ANKFN1: variants seen among roughly 807,000 people sequenced by gnomAD.
ANKFN1 encodes ankyrin repeat and fibronectin type-III domain-containing protein 1.
A neutral mutation model predicts 108.7 loss-of-function variants in ANKFN1; 74 were observed. The observed-to-expected ratio is 0.68, with a 90% CI of 0.56 to 0.83. ANKFN1 has a LOEUF of 0.83. Ranked by LOEUF, ANKFN1 falls within the 40% of genes least tolerant of loss-of-function variation. The pLI, the probability that ANKFN1 is intolerant of heterozygous loss-of-function variation, is 0.00. For missense variants in ANKFN1, 1,505 were observed against 1,382.3 expected (o/e 1.09, Z -1.41); for synonymous variants, 547 against 516.2 (o/e 1.06, Z -0.81).
At chr17:56,241,782 G>A (rs899772795) in intron 3 of ANKFN1, among the ~76,000 whole-genome samples, 3 of 152,054 alleles carry the variant, frequency 2.0e-5, no homozygotes, top group African/African-American at 7.2e-5. Context: ...CTAGTCTTCT[G>A]CTTTGGGGCC....
intron 4 of ANKFN1, among the ~76,000 whole-genome samples, chr17:56,098,492 T>G (rs1480751617): frequency 6.6e-6 from 1 of 152,120 alleles, no homozygotes; most frequent in African/African-American, 2.4e-5. Context: ...CTGTTCTTCA[T>G]AGCATTCATC....
intron 4 of ANKFN1, among the ~76,000 whole-genome samples, chr17:56,097,461 C>T (rs1467626800): frequency 6.6e-6 from 1 of 152,160 alleles, no homozygotes; most frequent in Non-Finnish European, 1.5e-5. Context: ...TTTGTAACCT[C>T]CAAAATGCTT....
rs1262585385 is a variant in ANKFN1, at chr17:56,112,036, A to G, written c.288+65711A>G. Among the ~76,000 whole-genome samples the G allele has an allele frequency of 3.3e-5, 5 of 152,244 alleles. No homozygotes were observed. The East Asian group carries it at 5.8e-4, about 18-fold the overall frequency. ...CAAGGGGCTAGCTACAGATGAAATT[A>G]TCTTCACCTTATAGATTAAATTTGT... On this transcript the variant is annotated intron_variant, in intron 4 of 12. Coordinates refer to the ANKFN1 transcript ENST00000635860.
chr17:56,385,069 A>G (rs1184622694), intron 8 of ANKFN1, among the ~76,000 whole-genome samples: 2 of 151,546 alleles, frequency 1.3e-5, no homozygotes, highest in Admixed American at 1.3e-4. Flanking sequence ...ACTTCAAACT[A>G]TACTACAAGG....
At chr17:56,243,735 G>A (rs1049043120) in intron 3 of ANKFN1, among the ~76,000 whole-genome samples, 1 of 151,970 alleles carries the variant, frequency 6.6e-6, no homozygotes, top group Non-Finnish European at 1.5e-5. Context: ...TTAGTTTTCG[G>A]TTTAACTTAT....
intron 20 of ANKFN1, among the ~76,000 whole-genome samples, chr17:56,500,802 T>C (rs1567710339): frequency 6.6e-6 from 1 of 152,354 alleles, no homozygotes; most frequent in African/African-American, 2.4e-5. Context: ...CCACCCTCTA[T>C]GTGCCAGGCT....
At chr17:56,268,519 A>C (rs1233159363) in intron 3 of ANKFN1, among the ~76,000 whole-genome samples, 1 of 152,204 alleles carries the variant, frequency 6.6e-6, no homozygotes, top group Non-Finnish European at 1.5e-5. Flanking sequence ...TACCTAGAGG[A>C]ACTAGAAAAA....
At chr17:56,055,584 T>TATATATATATATATACACACAC in intron 4 of ANKFN1, among the ~76,000 whole-genome samples, 1 of 113,198 alleles carries the variant, frequency 8.8e-6, no homozygotes, top group African/African-American at 4.4e-5. Flanking sequence ...TATATATATA[T>TATATATATATATATACACACAC]ATATGTATAT....
At chr17:56,480,325 G>A (rs113478294) in intron 16 of ANKFN1, among the ~76,000 whole-genome samples, 2 of 152,170 alleles carry the variant, frequency 1.3e-5, no homozygotes, top group African/African-American at 4.8e-5. Context: ...GTGGTAAAAC[G>A]TAGGATCTTA....
At chr17:56,162,005 T>A (rs914087003) in intron 1 of ANKFN1, among the ~76,000 whole-genome samples, 1 of 152,126 alleles carries the variant, frequency 6.6e-6, no homozygotes, top group African/African-American at 2.4e-5. Context: ...CTGTTGTTAT[T>A]TTCATCCTAG....
At chr17:56,327,624 G>A (rs781130741) in intron 4 of ANKFN1, among the ~76,000 whole-genome samples, 1 of 152,130 alleles carries the variant, frequency 6.6e-6, no homozygotes, top group African/African-American at 2.4e-5. Flanking sequence ...CATTCTAATA[G>A]CAAGGAGACC....
intron 15 of ANKFN1, among the ~76,000 whole-genome samples, chr17:56,475,150 T>C (rs2050456431): frequency 6.6e-6 from 1 of 152,198 alleles, no homozygotes; most frequent in Admixed American, 6.5e-5. Flanking sequence ...AACATAGCCT[T>C]ACCATTAATT....
At chr17:56,255,035 G>T (rs886519718) in intron 3 of ANKFN1, among the ~76,000 whole-genome samples, 1 of 152,172 alleles carries the variant, frequency 6.6e-6, no homozygotes, top group African/African-American at 2.4e-5. Context: ...GAGAAAGAGT[G>T]AGCAATGAGA....
At chr17:56,509,039 C>T (rs2051661222) in intron 20 of ANKFN1, among the ~76,000 whole-genome samples, 1 of 152,184 alleles carries the variant, frequency 6.6e-6, no homozygotes. Flanking sequence ...TTGAACAGAT[C>T]AGTGGAGCTC....
intron 20 of ANKFN1, among the ~76,000 whole-genome samples, chr17:56,500,396 T>A (rs1464170156): frequency 8.5e-6 from 1 of 116,964 alleles, no homozygotes; most frequent in Non-Finnish European, 2.2e-5. Flanking sequence ...ACTTACCAAA[T>A]AACAAAATAT....
At chr17:56,173,173 G>T (rs537719188) in intron 1 of ANKFN1, among the ~76,000 whole-genome samples, 15 of 152,162 alleles carry the variant, frequency 9.9e-5, no homozygotes, top group Non-Finnish European at 1.9e-4. Flanking sequence ...GGATCTCTCT[G>T]TGTGCCTGTC....
intron 1 of ANKFN1, among the ~76,000 whole-genome samples, chr17:56,187,994 C>A (rs986101387): frequency 6.6e-6 from 1 of 152,066 alleles, no homozygotes; most frequent in African/African-American, 2.4e-5. Context: ...CACAAGTTAA[C>A]GGGTGCAGCA....
In ANKFN1 at chr17:56,188,581, G is replaced by GTGTGTATATATA. The variant is rs1212242378; in HGVS notation, c.-70-24016_-70-24015insGTGTATATATAT. On this transcript the variant is annotated intron_variant, in intron 1 of 20. Coordinates refer to ENST00000682825, the MANE Select transcript of ANKFN1 (RefSeq NM_001370326.1). ...TGTGTGTATGTGTGTGTGTGTGTGT[G>GTGTGTATATATA]TATATATATATATATATATATATAT... Among the ~76,000 whole-genome samples the GTGTGTATATATA allele has an allele frequency of 5.4e-4, 27 of 49,632 alleles. 1 individual carries two copies. The highest frequency in any genetic ancestry group is 3.7e-3 in the East Asian group (5 of 1,342). The allele number at this position is 49,632 out of a possible 152,430, so 32.6% of individuals were successfully genotyped here. A position where few individuals can be genotyped will look rare whatever the true frequency, so the allele number is the denominator to read the frequency against.
At chr17:56,501,065 A>G (rs1278240977) in intron 20 of ANKFN1, among the ~76,000 whole-genome samples, 3 of 152,188 alleles carry the variant, frequency 2.0e-5, no homozygotes, top group African/African-American at 7.2e-5. Context: ...ACCCCAGAAG[A>G]AGAAGCTAGT....
Sources: gnomAD v4.1 joint callset for allele counts (sites outside exome capture counted in the v4.1 genomes callset) on GRCh38, gnomAD v4.1.1 for gene constraint, MANE v1.5 for transcripts, NCBI Gene and HGNC (gene_info 2026-07-23, HGNC 2026-07-21) for gene names.